AKAP13: variants seen among roughly 807,000 people sequenced by gnomAD.
AKAP13 encodes A-kinase anchor protein 13.
In AKAP13, 80 loss-of-function variants were observed where a neutral mutation model predicts 264.5. That is an observed-to-expected ratio of 0.30 (90% CI 0.25 to 0.36). The LOEUF (loss-of-function observed/expected upper bound fraction) is 0.36. Among genes scored for constraint, AKAP13 ranks in the 10% least tolerant of loss-of-function variants. The pLI, the probability that AKAP13 is intolerant of heterozygous loss-of-function variation, is 1.00. For synonymous variants in AKAP13, 1,380 were observed against 1,250.2 expected (o/e 1.10, Z -2.19); for missense variants, 3,712 against 3,435.2 (o/e 1.08, Z -2.01).
intron 14 of AKAP13, among the ~76,000 whole-genome samples, chr15:85,675,263 T>G (rs2084160466): frequency 1.3e-5 from 2 of 152,218 alleles, no homozygotes; most frequent in South Asian, 4.1e-4. Flanking sequence ...GAACACACAT[T>G]ACAGTAGTAT....
chr15:85,626,692 T>A (rs1488520273), intron 8 of AKAP13, among the ~76,000 whole-genome samples: 1 of 152,266 alleles, frequency 6.6e-6, no homozygotes, highest in Non-Finnish European at 1.5e-5. Context: ...CAAATAATGC[T>A]GTTATGAGCA....
At chr15:85,498,237 C>T (rs941572038) in intron 2 of AKAP13, among the ~76,000 whole-genome samples, 5 of 122,858 alleles carry the variant, frequency 4.1e-5, no homozygotes, top group Non-Finnish European at 8.4e-5. Flanking sequence ...TCACATTGAG[C>T]GAGATCATAG....
chr15:85,567,645 C>A (rs1297176618), intron 5 of AKAP13, among the ~76,000 whole-genome samples: 2 of 152,090 alleles, frequency 1.3e-5, no homozygotes, highest in Non-Finnish European at 2.9e-5. Context: ...TCCCACATTC[C>A]TCTTCTGTGT....
At chr15:85,459,721 A>G (rs1221966224) in intron 1 of AKAP13, among the ~76,000 whole-genome samples, 1 of 151,884 alleles carries the variant, frequency 6.6e-6, no homozygotes, top group South Asian at 2.1e-4. Flanking sequence ...GGATAGTCTC[A>G]ATCTCCTGAC....
At position 85,708,125 on chromosome 15, in the gene AKAP13, G is replaced by C; in HGVS notation, c.5532+39G>C. ...GCTAAAACAAGGCTTAAAATAAAAG[G>C]GTTTAAACCAGCAAAATCCTCGGGA... On this transcript the variant is annotated intron_variant, in intron 18 of 36. Transcript: ENST00000394518. The surrounding 1 kb of genome is among the most constrained non-coding windows in gnomAD (Gnocchi z 4.3). 1 of 1,597,686 alleles carries C rather than the reference G, an allele frequency of 6.3e-7. No individual in the cohort carries two copies. Among genetic ancestry groups the C allele is most frequent in the Middle Eastern group, 1.7e-4 (1 of 6,004 alleles).
intron 8 of AKAP13, chr15:85,624,425 T>A (rs1033079577): frequency 6.6e-6 from 1 of 152,158 alleles, no homozygotes; most frequent in African/African-American, 2.4e-5. Context: ...CTAATTATGG[T>A]GTCATTTTGC....
At chr15:85,547,325 G>T (rs1413832829) in intron 5 of AKAP13, among the ~76,000 whole-genome samples, 1 of 151,634 alleles carries the variant, frequency 6.6e-6, no homozygotes, top group East Asian at 1.9e-4. Flanking sequence ...TTTTAAGTGG[G>T]GTGTGGGGAG....
At chr15:85,613,446 C>T (rs2151396624) in intron 8 of AKAP13, among the ~76,000 whole-genome samples, 1 of 152,038 alleles carries the variant, frequency 6.6e-6, no homozygotes, top group East Asian at 1.9e-4. Flanking sequence ...CTTTGGGAGT[C>T]CAAGGCGGGT....
Position 85,608,580 on chromosome 15 carries a change from A to G in AKAP13, c.4161+22757A>G, listed in dbSNP as rs561122325. Reference sequence around the variant, plus strand: ...TAAGCCCCATAGTGGTTCAAAGGAGAGCGTTTTAAGGAGGGTTAGAGTAGG... The same window carrying G: ...TAAGCCCCATAGTGGTTCAAAGGAGGGCGTTTTAAGGAGGGTTAGAGTAGG... On this transcript the variant is annotated intron_variant, in intron 8 of 36. Coordinates refer to ENST00000394518, the MANE Select transcript of AKAP13 (RefSeq NM_007200.5). 1.2e-4 allele frequency among the ~76,000 whole-genome samples: 18 copies of G among 152,144 alleles called. 1 individual carries two copies. Among genetic ancestry groups the G allele is most frequent in the Non-Finnish European group, 2.1e-4 (14 of 68,028 alleles).
chr15:85,683,470 T>C (rs545662854), intron 15 of AKAP13: 1 of 152,458 alleles, frequency 6.6e-6, no homozygotes, highest in East Asian at 1.9e-4. Context: ...CTCTTTTGTT[T>C]GTTTGTTTGT....
At chr15:85,721,941 T>G in intron 23 of AKAP13, 50 bp from the exon 24 acceptor site, 1 of 1,607,412 alleles carries the variant, frequency 6.2e-7, no homozygotes, top group South Asian at 1.1e-5. Flanking sequence ...CAAAATGGTA[T>G]TATGAGTTTG....
rs769925024 is a variant in AKAP13, at chr15:85,533,931, C to A, written c.478+51C>A. 3.6e-6 allele frequency: 5 copies of A among 1,403,318 alleles called. No homozygotes were observed. The East Asian group carries it at 9.8e-5, about 28-fold the overall frequency. 86.9% of individuals were successfully genotyped at this position (1,403,318 alleles called of 1,614,324 possible). On this transcript the variant is annotated intron_variant, in intron 4 of 36. Coordinates refer to ENST00000394518, the MANE Select transcript of AKAP13 (RefSeq NM_007200.5). ...ACACTTTAAGTTTGTGATATTTCTA[C>A]TTTTTTTTTAATGGGGCTACTTTTC...
In AKAP13 at chr15:85,745,838, T is replaced by A. The variant is rs2089353374; in HGVS notation, c.*1161T>A. ...GGAAGGCGTGGTTGTGAAAGCGCCC[T>A]TCTTATGTTAGGAGGCCTTGGCAAA... is the stretch of plus-strand genomic sequence containing the variant. On this transcript the variant is annotated 3_prime_UTR_variant, in exon 37 of 37. Transcript: ENST00000394518. 6.6e-6 allele frequency: 1 copy of A among 152,198 alleles called. No homozygotes were observed. The highest frequency in any genetic ancestry group is 6.5e-5 in the Admixed American group (1 of 15,288). 9.4% of individuals were successfully genotyped at this position (152,198 alleles called of 1,614,324 possible).
chr15:85,599,755 G>A (rs2079971936), intron 8 of AKAP13, among the ~76,000 whole-genome samples: 1 of 152,150 alleles, frequency 6.6e-6, no homozygotes, highest in Admixed American at 6.5e-5. Flanking sequence ...TTATCTCTGG[G>A]CTGGGTGAGG....
chr15:85,582,080 C>G lies in AKAP13; in HGVS notation c.4012C>G (p.Pro1338Ala). The G allele has an allele frequency of 6.2e-7, 1 of 1,610,806 alleles. No individual in the cohort carries two copies. Among genetic ancestry groups the G allele is most frequent in the Non-Finnish European group, 8.5e-7 (1 of 1,178,574 alleles). The change falls in exon 7 of 37, where the codon CCT becomes GCT. Residue 1338 changes from proline to alanine, a missense_variant. Around this residue, in one of 3 missense-constraint regions of AKAP13, gnomAD observed 2,759 missense variants for 2,411.7 expected, o/e 1.14. Transcript: ENST00000394518. ...GREEPEKIIL[P>A]VQGPEPAAEM... ...GGAGGAGCCAGAGAAGATCATTTTA[C>G]CTGTCCAGGGGCCTGAGCCAGCAGC...
chr15:85,562,079 A>C (rs1430809428), intron 5 of AKAP13, among the ~76,000 whole-genome samples: 1 of 152,294 alleles, frequency 6.6e-6, no homozygotes, highest in East Asian at 1.9e-4. Context: ...CCTGACCTGC[A>C]AATTACGGTA....
At chr15:85,385,337 A>T (rs2070503252) in intron 1 of AKAP13, among the ~76,000 whole-genome samples, 1 of 152,192 alleles carries the variant, frequency 6.6e-6, no homozygotes, top group African/African-American at 2.4e-5. Flanking sequence ...AAGTTCACTC[A>T]GCACATCATT....
At chr15:85,526,682 A>G (rs569152920) in intron 3 of AKAP13, among the ~76,000 whole-genome samples, 2 of 152,336 alleles carry the variant, frequency 1.3e-5, no homozygotes, top group South Asian at 2.1e-4. Context: ...AATGGGCTTC[A>G]TTAGAGAATT....
At chr15:85,520,809 A>AT (rs2076796019) in intron 2 of AKAP13, 1 of 475,212 alleles carries the variant, frequency 2.1e-6, no homozygotes, top group Non-Finnish European at 4.2e-6. Flanking sequence ...GTATTAGGTG[A>AT]TTTTGTTTGT....
Sources: gnomAD v4.1 joint callset for allele counts (sites outside exome capture counted in the v4.1 genomes callset) on GRCh38, gnomAD v4.1.1 for gene constraint, gnomAD v4.1.1 regional missense constraint, Gnocchi (gnomAD v3.1) non-coding constraint, MANE v1.5 for transcripts, NCBI Gene and HGNC (gene_info 2026-07-23, HGNC 2026-07-21) for gene names.